The following PTK2 variants were observed in gnomAD, a reference collection of about 807,000 sequenced individuals.
PTK2 encodes focal adhesion kinase 1.
In PTK2, 45 loss-of-function variants were observed where a neutral mutation model predicts 150.1. The observed-to-expected ratio is 0.30, with a 90% confidence interval of 0.24 to 0.38. The LOEUF (loss-of-function observed/expected upper bound fraction) is 0.38. Among genes scored for constraint, PTK2 ranks in the 10% least tolerant of loss-of-function variants. PTK2 has a pLI of 1.00. For missense variants in PTK2, 919 were observed against 1,307.3 expected (o/e 0.70, Z 4.58); for synonymous variants, 432 against 449.2 (o/e 0.96, Z 0.48).
At chr8:140,838,782 G>A (rs571651476) in intron 7 of PTK2, among the ~76,000 whole-genome samples, 2 of 152,152 alleles carry the variant, frequency 1.3e-5, no homozygotes, top group East Asian at 1.9e-4. Flanking sequence ...CGAGGCGGGC[G>A]GATCACAAGG....
chr8:140,948,189 G>A (rs1329377506), intron 1 of PTK2, among the ~76,000 whole-genome samples: 5 of 152,060 alleles, frequency 3.3e-5, no homozygotes, highest in African/African-American at 1.2e-4. Context: ...AAAACAAAGA[G>A]AAAAACTGGC....
At chr8:140,873,131 G>A (rs1368317975) in intron 4 of PTK2, among the ~76,000 whole-genome samples, 1 of 152,212 alleles carries the variant, frequency 6.6e-6, no homozygotes, top group Non-Finnish European at 1.5e-5. Flanking sequence ...GAGAGAACTT[G>A]AAAGGGAACT....
At chr8:140,949,925 C>T (rs2100178956) in intron 1 of PTK2, among the ~76,000 whole-genome samples, 1 of 152,152 alleles carries the variant, frequency 6.6e-6, no homozygotes. Context: ...GCCCATGGCC[C>T]AATCAGTACG....
At chr8:140,672,241 C>A in intron 29 of PTK2, 1 of 405,972 alleles carries the variant, frequency 2.5e-6, no homozygotes, top group South Asian at 1.8e-5. Flanking sequence ...GTTGCGCAGG[C>A]CAGATTCAAA....
chr8:140,915,457 A>T (rs542337308), intron 2 of PTK2, among the ~76,000 whole-genome samples: 4 of 152,288 alleles, frequency 2.6e-5, no homozygotes, highest in Admixed American at 6.5e-5. Flanking sequence ...GACACATTTT[A>T]GGGTTCCCAT....
chr8:140,845,262 T>C (rs1169104372), intron 7 of PTK2, among the ~76,000 whole-genome samples: 2 of 152,170 alleles, frequency 1.3e-5, no homozygotes, highest in East Asian at 1.9e-4. Context: ...TCCAGACTCT[T>C]TGAAGAATGT....
At chr8:140,844,232 C>T (rs564092656) in intron 7 of PTK2, among the ~76,000 whole-genome samples, 2 of 152,258 alleles carry the variant, frequency 1.3e-5, no homozygotes, top group South Asian at 4.1e-4. Flanking sequence ...GACCACCTGG[C>T]TAAGGTCATG....
chr8:140,957,077 A>C (rs2100181456), intron 1 of PTK2, among the ~76,000 whole-genome samples: 1 of 152,070 alleles, frequency 6.6e-6, no homozygotes, highest in Non-Finnish European at 1.5e-5. Flanking sequence ...CAAACAAACA[A>C]ACAAATGAAA....
At chr8:140,698,626 G>GT (rs1188096523) in intron 26 of PTK2, among the ~76,000 whole-genome samples, 3 of 150,754 alleles carry the variant, frequency 2.0e-5, no homozygotes, top group African/African-American at 7.3e-5. Flanking sequence ...GCTAATTTTT[G>GT]TTTTTTTGAG....
intron 8 of PTK2, among the ~76,000 whole-genome samples, chr8:140,824,904 T>G (rs2100110967): frequency 6.6e-6 from 1 of 152,226 alleles, no homozygotes; most frequent in Admixed American, 6.5e-5. Context: ...ACTAAGAATG[T>G]GATACTTCTT....
intron 14 of PTK2, chr8:140,770,725 G>A: frequency 2.2e-6 from 3 of 1,342,830 alleles, no homozygotes; most frequent in Non-Finnish European, 3.0e-6. Flanking sequence ...CCCGTAGAAG[G>A]AGGATCATGG....
intron 11 of PTK2, among the ~76,000 whole-genome samples, 191 bp downstream of exon 11, chr8:140,803,352 T>A (rs1022889896): frequency 1.3e-4 from 20 of 152,180 alleles, no homozygotes; most frequent in Non-Finnish European, 2.4e-4. Flanking sequence ...GGATGATTTT[T>A]AAATCTGTCT....
At chr8:140,905,067 T>C (rs2154607823) in intron 2 of PTK2, among the ~76,000 whole-genome samples, 1 of 152,346 alleles carries the variant, frequency 6.6e-6, no homozygotes, top group Middle Eastern at 3.4e-3. Context: ...CCTTCTCTAG[T>C]TCTTTTAATT....
chr8:140,943,109 T>C (rs1489807251), intron 1 of PTK2, among the ~76,000 whole-genome samples: 2 of 152,194 alleles, frequency 1.3e-5, no homozygotes, highest in African/African-American at 2.4e-5. Flanking sequence ...CTCTTTTCTT[T>C]ACAAATTACC....
chr8:140,760,036 A>T (rs1429704906), intron 16 of PTK2, among the ~76,000 whole-genome samples: 26 of 152,140 alleles, frequency 1.7e-4, no homozygotes, highest in Admixed American at 1.7e-3. Context: ...ATCCTGGCCA[A>T]CATGGTGAAA....
At chr8:140,953,206 T>A (rs1403839020) in intron 1 of PTK2, among the ~76,000 whole-genome samples, 1 of 152,232 alleles carries the variant, frequency 6.6e-6, no homozygotes, top group Non-Finnish European at 1.5e-5. Context: ...CCCCAGTAGA[T>A]GCCTGAAACT....
chr8:140,953,051 T>A (rs958679219), intron 1 of PTK2, among the ~76,000 whole-genome samples: 3 of 152,108 alleles, frequency 2.0e-5, no homozygotes, highest in African/African-American at 4.8e-5. Flanking sequence ...TTAAAAAAAA[T>A]TGACTTTCAA....
At chr8:140,759,847 C>CACA (rs2100068338) in intron 16 of PTK2, among the ~76,000 whole-genome samples, 1 of 144,676 alleles carries the variant, frequency 6.9e-6, no homozygotes, top group African/African-American at 2.5e-5. Context: ...TCTCTCTCAC[C>CACA]CACACACACA....
intron 14 of PTK2, among the ~76,000 whole-genome samples, chr8:140,788,277 A>T (rs1400820217): frequency 6.6e-6 from 1 of 152,258 alleles, no homozygotes; most frequent in African/African-American, 2.4e-5. Context: ...GTACTTTGAC[A>T]GTATAACACA....
Sources: allele counts gnomAD v4.1 joint callset (sites outside exome capture counted in the v4.1 genomes callset), GRCh38; gene constraint gnomAD v4.1.1; transcripts MANE v1.5; gene names NCBI Gene and HGNC (gene_info 2026-07-23, HGNC 2026-07-21).